Variants in CORO1C observed in about 807,000 individuals in gnomAD.
CORO1C encodes coronin-1C.
CORO1C carries 14 observed loss-of-function variants against 51.2 expected under a neutral mutation model. The ratio of observed to expected loss-of-function variants is 0.27; its 90% CI spans 0.18 to 0.43. CORO1C has a LOEUF of 0.43. Ranked by LOEUF, CORO1C falls within the 20% of genes least tolerant of loss-of-function variation. The probability of loss-of-function intolerance (pLI) is 1.00; values close to 1 mark genes in which losing one functional copy is unlikely to be tolerated. For missense variants in CORO1C, 417 were observed against 607.8 expected, an observed-to-expected ratio of 0.69 and a Z score of 3.30; for synonymous variants, 181 against 210.5, an observed-to-expected ratio of 0.86 and a Z score of 1.21.
chr12:108,703,564 G>C (rs954883946), intron 1 of CORO1C, among the ~76,000 whole-genome samples: 1 of 152,154 alleles, frequency 6.6e-6, no homozygotes, highest in East Asian at 1.9e-4. Flanking sequence ...CAGGAGGAGC[G>C]CACAAAAAGG....
intron 1 of CORO1C, among the ~76,000 whole-genome samples, chr12:108,712,259 CA>C (rs1210509089): frequency 1.3e-5 from 2 of 151,912 alleles, no homozygotes; most frequent in Non-Finnish European, 2.9e-5. Context: ...ATGACAATGC[CA>C]ACAGTAAAAA....
chr12:108,713,161 C>T (rs1334512292), intron 1 of CORO1C, among the ~76,000 whole-genome samples: 6 of 152,174 alleles, frequency 3.9e-5, no homozygotes, highest in African/African-American at 1.4e-4. Flanking sequence ...GCAACATTTG[C>T]TATAAAGCAC....
chr12:108,675,819 A>G (rs1452435508), intron 3 of CORO1C, among the ~76,000 whole-genome samples: 1 of 152,234 alleles, frequency 6.6e-6, no homozygotes, highest in Non-Finnish European at 1.5e-5. Flanking sequence ...ATGGAAGAAC[A>G]TAATGCGAAC....
intron 3 of CORO1C, 67 bp from the exon 4 acceptor site, chr12:108,662,225 A>G: frequency 4.5e-6 from 6 of 1,338,424 alleles, no homozygotes; most frequent in Non-Finnish European, 4.3e-6. Context: ...ATTTACAGTG[A>G]CCATCCACTA....
At chr12:108,723,354 C>T (rs561240553) in intron 1 of CORO1C, among the ~76,000 whole-genome samples, 4 of 152,250 alleles carry the variant, frequency 2.6e-5, no homozygotes, top group African/African-American at 9.6e-5. Flanking sequence ...TTGACCATTA[C>T]GAAAAGGAAT....
At chr12:108,717,027 G>A (rs1292212954) in intron 1 of CORO1C, among the ~76,000 whole-genome samples, 2 of 152,202 alleles carry the variant, frequency 1.3e-5, no homozygotes, top group East Asian at 1.9e-4. Context: ...TCAGATATTC[G>A]TGCAAACATT....
At chr12:108,703,889 T>TA (rs2034951827) in intron 1 of CORO1C, among the ~76,000 whole-genome samples, 1 of 152,146 alleles carries the variant, frequency 6.6e-6, no homozygotes, top group African/African-American at 2.4e-5. Flanking sequence ...CCACCTGCCT[T>TA]ACCCCACAAG....
intron 2 of CORO1C, among the ~76,000 whole-genome samples, chr12:108,678,775 A>G (rs2034005003): frequency 6.6e-6 from 1 of 151,930 alleles, no homozygotes; most frequent in Non-Finnish European, 1.5e-5. Flanking sequence ...TTAATACAAT[A>G]AGACAATATC....
intron 3 of CORO1C, among the ~76,000 whole-genome samples, chr12:108,665,233 A>C (rs1278158131): frequency 6.6e-6 from 1 of 152,198 alleles, no homozygotes; most frequent in Non-Finnish European, 1.5e-5. Context: ...TTCCTGGATT[A>C]AAAGAAAATT....
Position 108,656,194 on chromosome 12 carries a change from G to A in CORO1C, c.750+1110C>T, listed in dbSNP as rs868175917. On this transcript the variant is annotated intron_variant, in intron 6 of 10. Transcript: ENST00000261401. ...AGCCCCTCCGCCCGGCAGCCGCCCCGTCTGAGAAGTGAGGAGCCCCTCCGC... is the reference window on the plus strand; with the variant it reads ...AGCCCCTCCGCCCGGCAGCCGCCCCATCTGAGAAGTGAGGAGCCCCTCCGC... Among the ~76,000 whole-genome samples, 597 of 144,754 alleles carry A rather than the reference G, an allele frequency of 4.1e-3. 19 individuals carry two copies. The highest frequency in any genetic ancestry group is 6.2e-3 in the Non-Finnish European group (404 of 65,592). 95.0% of individuals were successfully genotyped at this position (144,754 alleles called of 152,430 possible). A position where few individuals can be genotyped will look rare whatever the true frequency, so the allele number is the denominator to read the frequency against.
At chr12:108,723,715 T>C (rs1291236049) in intron 1 of CORO1C, among the ~76,000 whole-genome samples, 1 of 152,246 alleles carries the variant, frequency 6.6e-6, no homozygotes, top group African/African-American at 2.4e-5. Context: ...TGTGAAACAA[T>C]AATCAACCTT....
chr12:108,696,869 C>G (rs2034705223), intron 2 of CORO1C, among the ~76,000 whole-genome samples: 2 of 152,232 alleles, frequency 1.3e-5, no homozygotes, highest in African/African-American at 2.4e-5. Context: ...ATTCCTCCGG[C>G]AGTGACCTCT....
chr12:108,662,937 G>A lies in CORO1C; in HGVS notation c.319-779C>T, dbSNP rs117427270. On this transcript the variant is annotated intron_variant, in intron 3 of 10. Transcript: ENST00000261401. ...CTTACAAATCATACATTTGATAAGA[G>A]ACCCATAGCCTGAATATAGAAAGAA... 6.3e-3 allele frequency among the ~76,000 whole-genome samples: 965 copies of A among 152,230 alleles called. 6 individuals are homozygous for A. Among genetic ancestry groups the A allele is most frequent in the Non-Finnish European group, 9.9e-3 (676 of 68,018 alleles).
At chr12:108,717,473 C>G (rs141143640) in intron 1 of CORO1C, among the ~76,000 whole-genome samples, 1 of 152,164 alleles carries the variant, frequency 6.6e-6, no homozygotes, top group Non-Finnish European at 1.5e-5. Context: ...TGGATCTGCA[C>G]GTGGGAGCAT....
Position 108,648,728 on chromosome 12 carries a change from G to A in CORO1C, c.1182C>T (p.Tyr394=), listed in dbSNP as rs1254292616. The A allele has an allele frequency of 6.2e-7, 1 of 1,614,032 alleles. No homozygotes were observed. Among genetic ancestry groups the A allele is most frequent in the African/African-American group, 1.3e-5 (1 of 74,920 alleles). The part of the protein sequence containing the change: ...DPILISLKHG[Y]IPGKNRDLKV... ...TGAGATCCCTGTTTTTGCCTGGAAT[G>A]TACCCGTGCTTCAAGGAGATGAGGA... is the stretch of plus-strand genomic sequence containing the variant. The change falls in exon 10 of 11, where the codon TAC becomes TAT. Residue 394 remains tyrosine, a synonymous_variant. Transcript: ENST00000261401.
intron 1 of CORO1C, among the ~76,000 whole-genome samples, chr12:108,714,204 C>T (rs1162925606): frequency 6.6e-6 from 1 of 151,954 alleles, no homozygotes; most frequent in Non-Finnish European, 1.5e-5. Flanking sequence ...TCCTGGCCAA[C>T]ATAGTGAAAC....
chr12:108,706,186 C>CAAAAAA (rs368147183), intron 1 of CORO1C, among the ~76,000 whole-genome samples: 17 of 118,508 alleles, frequency 1.4e-4, no homozygotes, highest in East Asian at 1.1e-3. Flanking sequence ...GACTCTGAAT[C>CAAAAAA]AAAAAAAAAC....
intron 6 of CORO1C, among the ~76,000 whole-genome samples, chr12:108,655,650 G>A (rs1352221643): frequency 6.6e-6 from 1 of 152,234 alleles, no homozygotes; most frequent in Non-Finnish European, 1.5e-5. Context: ...CCGAGGTGCC[G>A]GGATTGCAAA....
chr12:108,691,694 C>T (rs772244400), intron 2 of CORO1C, among the ~76,000 whole-genome samples: 4 of 152,228 alleles, frequency 2.6e-5, no homozygotes, highest in Admixed American at 2.0e-4. Context: ...ACAGCCACAG[C>T]GCTCTGATGG....
Sources: allele counts gnomAD v4.1 joint callset (sites outside exome capture counted in the v4.1 genomes callset), GRCh38; gene constraint gnomAD v4.1.1; transcripts MANE v1.5; gene names NCBI Gene and HGNC (gene_info 2026-07-23, HGNC 2026-07-21).